Variants in MUC6 observed in about 807,000 individuals in gnomAD.
The protein encoded by MUC6 is mucin 6, oligomeric mucus/gel-forming (gene/pseudogene), also known as mucin-6.
A neutral mutation model predicts 201.5 loss-of-function variants in MUC6; 188 were observed. The observed-to-expected ratio is 0.93, with a 90% CI of 0.83 to 1.05. MUC6 has a LOEUF of 1.05. Among genes scored for constraint, MUC6 ranks in the 50% least tolerant of loss-of-function variants. MUC6 has a pLI of 0.00. For synonymous variants in MUC6, 1,228 were observed against 1,389.4 expected, an observed-to-expected ratio of 0.88 and a Z score of 2.58; for missense variants, 2,706 against 3,256.9, an observed-to-expected ratio of 0.83 and a Z score of 4.12.
At chr11:1,036,332 T>TC (rs1857216106) in intron 1 of MUC6, among the ~76,000 whole-genome samples, 1 of 152,060 alleles carries the variant, frequency 6.6e-6, no homozygotes, top group Non-Finnish European at 1.5e-5. Context: ...CTGAGCGTCC[T>TC]CCCCCGCTGG....
rs1564845203 is a variant in MUC6 at position 1,031,718 on chromosome 11, G to T, written c.372C>A (p.Pro124=). The change falls in exon 4 of 33, where the codon CCC becomes CCA. Residue 124 remains proline (P), a synonymous_variant. Coordinates refer to ENST00000421673, the MANE Select transcript of MUC6 (RefSeq NM_005961.3). ...SVKDIGVISL[P]YTSNGLQITP... ...TGATCTGGAGTCCATTGCTGGTATA[G>T]GGCAGGCTGATGACCCTGTGGGGCA... is the stretch of plus-strand genomic sequence containing the variant. The T allele has an allele frequency of 6.4e-7, 1 of 1,550,786 alleles. No homozygotes were observed.
At position 1,033,052 on chromosome 11, in the gene MUC6, TGGTGTAGGA is replaced by T; in HGVS notation, c.67_75del (p.Tyr24_Ser26del). On this transcript the variant is annotated inframe_deletion, in exon 2 of 33. Transcript: ENST00000421673. The surrounding 1 kb of genome is among the most constrained non-coding windows in gnomAD (Gnocchi z 5.6). ...TCCTTCAGCCTCTGGAGGCCTGGGC[TGGTGTAGGA>T]GGTGTTAGCCAGACCTGTGTGGACG... is the stretch of plus-strand genomic sequence containing the variant. The T allele has an allele frequency of 6.2e-7, 1 of 1,610,924 alleles. No individual in the cohort carries two copies. The highest frequency in any genetic ancestry group is 8.5e-7 in the Non-Finnish European group (1 of 1,177,472).
Position 1,016,373 on chromosome 11 carries a change from G to T in MUC6, c.6428C>A (p.Ser2143Tyr). ...AGAGGAGTGGGAGGAGGGCACATAAGAAGAAACAGTAGAGGGGGCAGAAGG... is the reference window on the plus strand; with the variant it reads ...AGAGGAGTGGGAGGAGGGCACATAATAAGAAACAGTAGAGGGGGCAGAAGG... Reference protein sequence around the residue: ...PSPSAPSTVSSYVPSSHSSPQ... With the variant: ...PSPSAPSTVSYYVPSSHSSPQ... The change falls in exon 31 of 33, where the codon TCT becomes TAT. Residue 2143 changes from serine (S) to tyrosine (Y), a missense_variant. Transcript: ENST00000421673. The T allele has an allele frequency of 1.9e-6, 3 of 1,612,476 alleles. No individual in the cohort carries two copies. The highest frequency in any genetic ancestry group is 2.5e-6 in the Non-Finnish European group (3 of 1,179,210).
chr11:1,014,072 A>G (rs2133809802), intron 31 of MUC6, 71 bp from the exon 32 acceptor site: 1 of 1,355,364 alleles, frequency 7.4e-7, no homozygotes, highest in South Asian at 1.3e-5. Context: ...AACCCTGGCT[A>G]GAGACCGGGG....
chr11:1,025,719 T>C (rs1209028503), intron 22 of MUC6, 86 bp downstream of exon 22: 6 of 1,281,916 alleles, frequency 4.7e-6, no homozygotes, highest in Middle Eastern at 1.9e-4. Context: ...GGGCAGGACC[T>C]GGAGGCTCCA....
At chr11:1,028,604 A>G in intron 13 of MUC6, 42 bp downstream of exon 13, 1 of 1,594,400 alleles carries the variant, frequency 6.3e-7, no homozygotes, top group East Asian at 2.3e-5. Context: ...CAGACCCTGT[A>G]GGGATGAGGC....
At position 1,036,235 on chromosome 11, in the gene MUC6, G is replaced by A. The variant is rs368194095; in HGVS notation, c.52+369C>T. 2.2e-3 allele frequency among the ~76,000 whole-genome samples: 335 copies of A among 152,316 alleles called. 1 individual carries two copies. Among genetic ancestry groups the A allele is most frequent in the Non-Finnish European group, 3.9e-3 (263 of 68,004 alleles). On this transcript the variant is annotated intron_variant, in intron 1 of 32. Transcript: ENST00000421673. The stretch of plus-strand genomic sequence containing the variant: ...CACTCCAGAGACCTCTCAGGACTCA[G>A]GACCCCACTCGGGGAGGGAGAGCGC...
At chr11:1,023,831 A>T in intron 25 of MUC6, 116 bp downstream of exon 25, 1 of 1,461,446 alleles carries the variant, frequency 6.8e-7, no homozygotes, top group Non-Finnish European at 9.2e-7. Flanking sequence ...CCCGCAGGGC[A>T]CAGCCCGGCG....
rs1590032893 is a variant in MUC6, at chr11:1,013,233, C to T, written c.*223G>A. ...GTCCGTGACCACTGTCCGCCTCAGT[C>T]CCTCTCTGCTGGCTCAGGGTCTGCA... On this transcript the variant is annotated 3_prime_UTR_variant, in exon 33 of 33. Coordinates refer to ENST00000421673, the MANE Select transcript of MUC6 (RefSeq NM_005961.3). 1.7e-6 allele frequency: 1 copy of T among 576,238 alleles called. No individual in the cohort carries two copies. 35.7% of individuals were successfully genotyped at this position (576,238 alleles called of 1,614,324 possible). A position where few individuals can be genotyped will look rare whatever the true frequency, so the allele number is the denominator to read the frequency against.
At chr11:1,023,685 T>TCAG (rs1554898558) in intron 25 of MUC6, 33 bp from the exon 26 acceptor site, 45 of 1,608,848 alleles carry the variant, frequency 2.8e-5, no homozygotes, top group Middle Eastern at 2.2e-4. Flanking sequence ...CTGGTGGGGT[T>TCAG]CCTGGCCCTG....
chr11:1,020,320 C>T, intron 28 of MUC6, 63 bp from the exon 29 acceptor site: 2 of 1,533,132 alleles, frequency 1.3e-6, no homozygotes, highest in African/African-American at 2.8e-5. Context: ...GAGCACCCTC[C>T]CCTCTGCCTG....
At chr11:1,035,562 G>A (rs1857197826) in intron 1 of MUC6, among the ~76,000 whole-genome samples, 1 of 150,600 alleles carries the variant, frequency 6.6e-6, no homozygotes, top group African/African-American at 2.4e-5. Flanking sequence ...GGCGTGGTGG[G>A]GAGCGAGCTC....
rs898141921 is a variant in MUC6, at chr11:1,018,641, T to A, written c.4160A>T (p.Glu1387Val). The part of the protein sequence containing the change: ...PGQPTRPTAT[E>V]TTQTRTTTEY... ...AGTAGTCGTTCTTGTTTGAGTGGTC[T>A]CTGTGGCTGTGGGCCTCGTGGGTTG... The change falls in exon 31 of 33, where the codon GAG becomes GTG. Residue 1387 changes from glutamate (E) to valine (V), a missense_variant. This residue lies in a region of MUC6 where 1,850 missense variants were observed against 1,958.3 expected (regional missense o/e 0.94). Coordinates refer to ENST00000421673, the MANE Select transcript of MUC6 (RefSeq NM_005961.3). 1 of 1,613,228 alleles carries A rather than the reference T, an allele frequency of 6.2e-7. No homozygotes were observed. The highest frequency in any genetic ancestry group is 8.5e-7 in the Non-Finnish European group (1 of 1,179,642).
Position 1,031,809 on chromosome 11 carries a change from C to T in MUC6, c.356+4G>A, listed in dbSNP as rs754652290. On this transcript the variant is annotated splice_donor_region_variant and intron_variant, in intron 3 of 32. Transcript: ENST00000421673. ...GCCCCCGGGCCCCGGCCCACCTGAC[C>T]TACCCGATGTCCTTGACTGAGATGA... is the stretch of plus-strand genomic sequence containing the variant. 5.6e-6 allele frequency: 9 copies of T among 1,597,200 alleles called. No individual in the cohort carries two copies. Among genetic ancestry groups the T allele is most frequent in the Middle Eastern group, 1.7e-4 (1 of 6,046 alleles).
intron 25 of MUC6, 48 bp downstream of exon 25, chr11:1,023,899 G>A (rs763649643): frequency 1.0e-5 from 16 of 1,595,388 alleles, no homozygotes; most frequent in African/African-American, 1.3e-5. Flanking sequence ...CCTTAGTGGC[G>A]CTGGGTGGCA....
chr11:1,024,577 G>A (rs1295015169), intron 24 of MUC6, among the ~76,000 whole-genome samples: 3 of 152,344 alleles, frequency 2.0e-5, no homozygotes, highest in African/African-American at 7.2e-5. Context: ...AGGCGATGCT[G>A]CCCCAGGGGA....
chr11:1,024,230 G>A (rs1856895080), intron 24 of MUC6, 127 bp from the exon 25 acceptor site: 1 of 1,141,350 alleles, frequency 8.8e-7, no homozygotes, highest in Admixed American at 2.2e-5. Flanking sequence ...GACTGGGTGA[G>A]CGGCACCACG....
At chr11:1,027,854 A>T in intron 15 of MUC6, 37 bp from the exon 16 acceptor site, 3 of 1,601,518 alleles carry the variant, frequency 1.9e-6, no homozygotes, top group Middle Eastern at 1.7e-4. Flanking sequence ...GGTGGCAGGC[A>T]CCCTGCCCTG....
In MUC6 at chr11:1,028,320, G is replaced by T; in HGVS notation, c.1659C>A (p.Gly553=). 1.2e-6 allele frequency: 2 copies of T among 1,612,374 alleles called. No individual in the cohort carries two copies. The highest frequency in any genetic ancestry group is 1.7e-6 in the Non-Finnish European group (2 of 1,179,772). Residue 553 remains glycine (G), a synonymous_variant, in exon 14 of 33, where the codon GGC becomes GGA. Coordinates refer to ENST00000421673, the MANE Select transcript of MUC6 (RefSeq NM_005961.3). ...DFTTSMGIAE[G]TASLFVDSWR... ...AGGAGTCCACAAACAGCGAGGCGGT[G>T]CCCTCGGCGATACCCATGCTAGTGG... is the stretch of plus-strand genomic sequence containing the variant.
Sources: allele counts gnomAD v4.1 joint callset (sites outside exome capture counted in the v4.1 genomes callset), GRCh38; gene constraint gnomAD v4.1.1; regional missense constraint gnomAD v4.1.1; non-coding constraint Gnocchi (gnomAD v3.1); transcripts MANE v1.5; gene names NCBI Gene and HGNC (gene_info 2026-07-23, HGNC 2026-07-21).